Variants in PDE7B observed in about 807,000 individuals in gnomAD.
PDE7B encodes 3',5'-cyclic-AMP phosphodiesterase 7B.
PDE7B carries 29 observed loss-of-function variants against 56.2 expected under a neutral mutation model. That is an observed-to-expected ratio of 0.52 (90% CI 0.38 to 0.70). The LOEUF (loss-of-function observed/expected upper bound fraction) is 0.70. Among genes scored for constraint, PDE7B ranks in the 30% least tolerant of loss-of-function variants. The pLI is 0.00. For synonymous variants in PDE7B, 197 were observed against 196.9 expected, an observed-to-expected ratio of 1.00 and a Z score of 0.00; for missense variants, 490 against 565.0, an observed-to-expected ratio of 0.87 and a Z score of 1.35.
At chr6:136,131,104 T>C (rs892301184) in intron 3 of PDE7B, among the ~76,000 whole-genome samples, 4 of 152,136 alleles carry the variant, frequency 2.6e-5, no homozygotes, top group African/African-American at 9.7e-5. Flanking sequence ...AGGTGTTCAA[T>C]GGATATTTAT....
intron 2 of PDE7B, among the ~76,000 whole-genome samples, chr6:136,011,374 CT>C (rs1775892720): frequency 1.3e-5 from 2 of 152,134 alleles, no homozygotes; most frequent in South Asian, 4.2e-4. Flanking sequence ...GTAAGACTGA[CT>C]TTAGGTCATC....
chr6:136,108,408 T>A (rs1312326457), intron 2 of PDE7B, among the ~76,000 whole-genome samples: 1 of 152,142 alleles, frequency 6.6e-6, no homozygotes, highest in Non-Finnish European at 1.5e-5. Flanking sequence ...CCCATTTGTC[T>A]TTCTGGATTC....
intron 1 of PDE7B, among the ~76,000 whole-genome samples, chr6:135,892,070 A>G (rs1257305384): frequency 6.6e-6 from 1 of 152,104 alleles, no homozygotes; most frequent in Non-Finnish European, 1.5e-5. Flanking sequence ...ATTATTGTTT[A>G]CTATGTACCC....
At chr6:136,041,953 A>AT (rs954939637) in intron 2 of PDE7B, among the ~76,000 whole-genome samples, 1 of 152,204 alleles carries the variant, frequency 6.6e-6, no homozygotes, top group Non-Finnish European at 1.5e-5. Flanking sequence ...ATGCTGGGTA[A>AT]TAGAAATTTA....
At chr6:135,887,835 T>C (rs1775736306) in intron 1 of PDE7B, among the ~76,000 whole-genome samples, 1 of 152,106 alleles carries the variant, frequency 6.6e-6, no homozygotes, top group South Asian at 2.1e-4. Flanking sequence ...CATGTGACCT[T>C]TTCTGAATGA....
At chr6:135,896,942 T>C (rs1036850835) in intron 1 of PDE7B, among the ~76,000 whole-genome samples, 2 of 152,112 alleles carry the variant, frequency 1.3e-5, no homozygotes, top group African/African-American at 4.8e-5. Context: ...TTCCTCTGCC[T>C]GAAATACCAC....
chr6:136,089,408 A>C (rs1367931610), intron 2 of PDE7B, among the ~76,000 whole-genome samples: 1 of 152,250 alleles, frequency 6.6e-6, no homozygotes, highest in East Asian at 1.9e-4. Context: ...GAGAAAAGAG[A>C]AGACTACAAA....
chr6:136,141,519 T>G (rs1228413462), intron 3 of PDE7B, among the ~76,000 whole-genome samples: 1 of 152,240 alleles, frequency 6.6e-6, no homozygotes, highest in Non-Finnish European at 1.5e-5. Flanking sequence ...TTCTATTGAT[T>G]GGAATAGTTT....
chr6:135,923,781 A>G (rs192399462), intron 1 of PDE7B, among the ~76,000 whole-genome samples: 83 of 152,266 alleles, frequency 5.5e-4, no homozygotes, highest in African/African-American at 1.3e-3. Flanking sequence ...CAAGTGACAA[A>G]CTTGATAATA....
At chr6:135,905,961 T>G (rs1259135002) in intron 1 of PDE7B, among the ~76,000 whole-genome samples, 2 of 152,190 alleles carry the variant, frequency 1.3e-5, no homozygotes, top group African/African-American at 4.8e-5. Flanking sequence ...GTAATTTTCC[T>G]CCTCTTCTTT....
chr6:136,098,404 T>C (rs930709343), intron 2 of PDE7B, among the ~76,000 whole-genome samples: 5 of 152,224 alleles, frequency 3.3e-5, no homozygotes, highest in African/African-American at 1.2e-4. Context: ...AGACACAGTG[T>C]AAGAGTCTAA....
chr6:135,877,441 G>A (rs946164954), intron 1 of PDE7B, among the ~76,000 whole-genome samples: 4 of 148,374 alleles, frequency 2.7e-5, no homozygotes, highest in Admixed American at 2.7e-4. Flanking sequence ...TTTTATGTGG[G>A]TTGCTATTTG....
At chr6:135,907,093 A>C (rs562727128) in intron 1 of PDE7B, among the ~76,000 whole-genome samples, 1 of 151,684 alleles carries the variant, frequency 6.6e-6, no homozygotes, top group African/African-American at 2.4e-5. Flanking sequence ...TCCTACATCC[A>C]GGAAATCTCT....
chr6:135,985,215 G>GA (rs911679032), intron 2 of PDE7B, among the ~76,000 whole-genome samples: 16 of 151,928 alleles, frequency 1.1e-4, no homozygotes, highest in East Asian at 7.8e-4. Context: ...GCCACTGAGG[G>GA]AAAAAAAACC....
chr6:135,906,820 T>G lies in PDE7B; in HGVS notation c.22-40644T>G, dbSNP rs918147840. On this transcript the variant is annotated intron_variant, in intron 1 of 12. Transcript: ENST00000308191. ...ATGTTAATGAGGTTTGTTTTTTTTTTTTTTTTTTTTTTTTTTAATCCTCTA... is the reference window on the plus strand; with the variant it reads ...ATGTTAATGAGGTTTGTTTTTTTTTGTTTTTTTTTTTTTTTTAATCCTCTA... Among the ~76,000 whole-genome samples the G allele has an allele frequency of 2.0e-4, 29 of 145,758 alleles. 2 individuals are homozygous for G. The East Asian group carries it at 5.4e-3, about 27-fold the overall frequency.
intron 1 of PDE7B, among the ~76,000 whole-genome samples, chr6:135,944,147 G>A (rs1417915583): frequency 6.6e-6 from 1 of 152,174 alleles, no homozygotes; most frequent in African/African-American, 2.4e-5. Context: ...CCTGGCAGCA[G>A]GGTGCTTGCA....
intron 1 of PDE7B, among the ~76,000 whole-genome samples, chr6:135,919,296 A>G (rs1774019368): frequency 6.6e-6 from 1 of 152,254 alleles, no homozygotes; most frequent in South Asian, 2.1e-4. Flanking sequence ...TTTTGACCTA[A>G]CAAGAGGCCT....
At chr6:136,007,653 GA>G (rs372657193) in intron 2 of PDE7B, among the ~76,000 whole-genome samples, 3,472 of 134,756 alleles carry the variant, frequency 0.026, 54 homozygotes, top group African/African-American at 0.047. Flanking sequence ...CTTTCTTGGT[GA>G]AAAAAAAAAA....
intron 1 of PDE7B, among the ~76,000 whole-genome samples, chr6:135,884,732 T>A (rs893721923): frequency 6.6e-6 from 1 of 152,202 alleles, no homozygotes; most frequent in Non-Finnish European, 1.5e-5. Flanking sequence ...ACACTGGGAT[T>A]GTATCATGTG....
Sources: allele counts gnomAD v4.1 joint callset (sites outside exome capture counted in the v4.1 genomes callset), GRCh38; gene constraint gnomAD v4.1.1; transcripts MANE v1.5; gene names NCBI Gene and HGNC (gene_info 2026-07-23, HGNC 2026-07-21).